Variants in RFC3 observed in about 807,000 individuals in gnomAD.
RFC3 encodes the protein A1 38 kDa subunit.
RFC3 carries 41 observed loss-of-function variants against 45.1 expected under a neutral mutation model. The ratio of observed to expected loss-of-function variants is 0.91; its 90% confidence interval spans 0.71 to 1.18. RFC3 has a LOEUF of 1.18. RFC3 is among the 50% of genes most tolerant of loss of function. The pLI is 0.00. For missense variants in RFC3, 423 were observed against 428.1 expected (o/e 0.99, Z 0.10); for synonymous variants, 149 against 144.0 (o/e 1.03, Z -0.25).
At chr13:33,967,735 C>T (rs780542042), downstream of RFC3, among the ~76,000 whole-genome samples, 1 of 151,972 alleles carries the variant, frequency 6.6e-6, no homozygotes, top group Non-Finnish European at 1.5e-5. Flanking sequence ...ATCTACCCAC[C>T]TCGGCCTCTC....
intron 3 of RFC3, among the ~76,000 whole-genome samples, chr13:33,824,249 T>G (rs988641981): frequency 6.6e-6 from 1 of 152,150 alleles, no homozygotes; most frequent in African/African-American, 2.4e-5. Flanking sequence ...TACATTGTAT[T>G]GTCAGTAAAT....
At chr13:33,975,523 T>G in the RFC3 span, among the ~76,000 whole-genome samples, 3 of 152,212 alleles carry the variant, frequency 2.0e-5, no homozygotes, top group Non-Finnish European at 4.4e-5. Context: ...AAAAAAGTAA[T>G]TTATGCAAAT....
intron 8 of RFC3, among the ~76,000 whole-genome samples, chr13:33,941,945 C>T (rs2082926917): frequency 6.6e-6 from 1 of 151,994 alleles, no homozygotes; most frequent in African/African-American, 2.4e-5. Context: ...ATGTTTTTAT[C>T]CTTTAATTTG....
chr13:33,859,252 G>A (rs867181878), intron 8 of RFC3, among the ~76,000 whole-genome samples: 1 of 152,074 alleles, frequency 6.6e-6, no homozygotes, highest in Non-Finnish European at 1.5e-5. Context: ...TTTCCCCAAG[G>A]CAACATCTAA....
At chr13:33,935,270 C>T (rs570104493) in intron 8 of RFC3, among the ~76,000 whole-genome samples, 8 of 152,236 alleles carry the variant, frequency 5.3e-5, no homozygotes, top group Admixed American at 4.6e-4. Flanking sequence ...CCATCAACTT[C>T]CTAGTTATTC....
intron 8 of RFC3, among the ~76,000 whole-genome samples, chr13:33,862,626 TATA>T (rs1370632667): frequency 6.6e-6 from 1 of 150,638 alleles, no homozygotes; most frequent in Admixed American, 6.6e-5. Flanking sequence ...TACAGGTAAA[TATA>T]ATATGTATGT....
chr13:33,896,944 G>C (rs576581490), intron 8 of RFC3, among the ~76,000 whole-genome samples: 1 of 151,858 alleles, frequency 6.6e-6, no homozygotes, highest in South Asian at 2.1e-4. Context: ...CAAAAGCTGG[G>C]AGAATTCACC....
At chr13:33,820,464 C>G (rs1379382920) in intron 1 of RFC3, among the ~76,000 whole-genome samples, 1 of 152,234 alleles carries the variant, frequency 6.6e-6, no homozygotes, top group Non-Finnish European at 1.5e-5. Context: ...TGGGTTAACA[C>G]TCTGGTGGGT....
chr13:33,919,957 C>T (rs17080182), intron 8 of RFC3, among the ~76,000 whole-genome samples: 3,089 of 152,158 alleles, frequency 0.02, 54 homozygotes, highest in East Asian at 0.047. Flanking sequence ...AAAGATGAAG[C>T]GTAACTATAC....
chr13:33,843,786 A>G (rs2082217349), intron 8 of RFC3, among the ~76,000 whole-genome samples: 1 of 152,182 alleles, frequency 6.6e-6, no homozygotes, highest in African/African-American at 2.4e-5. Flanking sequence ...CAACGGACAT[A>G]TGTTTCTATG....
rs1438426743 is a variant in RFC3 at position 33,818,348 on chromosome 13, TC to T, written c.87+86del. ...GCGCCCCCCTGAGGAGCAGTGCTTC[TC>T]CCGCCCGCATTGGAAGGTGATAAGT... On this transcript the variant is annotated intron_variant, in intron 1 of 8. Coordinates refer to ENST00000380071, the MANE Select transcript of RFC3 (RefSeq NM_002915.4). 3 of 1,103,410 alleles carry T rather than the reference TC, an allele frequency of 2.7e-6. No individual in the cohort carries two copies. In the East Asian group the frequency reaches 7.2e-5, roughly 26 times the overall value. The allele number at this position is 1,103,410 out of a possible 1,614,324, so 68.4% of individuals were successfully genotyped here.
At chr13:33,841,855 G>T (rs1441160320), downstream of RFC3, among the ~76,000 whole-genome samples, 1 of 152,158 alleles carries the variant, frequency 6.6e-6, no homozygotes, top group Non-Finnish European at 1.5e-5. Context: ...ATGTCCTGGA[G>T]ATCATTGGGG....
At chr13:33,959,187 A>G (rs916594952) in intron 8 of RFC3, among the ~76,000 whole-genome samples, 3 of 152,144 alleles carry the variant, frequency 2.0e-5, no homozygotes, top group Non-Finnish European at 4.4e-5. Context: ...TTCCTCCCAC[A>G]TGTAAGCCAC....
In RFC3 at chr13:33,962,765, A is replaced by G. The variant is rs182110072; in HGVS notation, c.880-3322A>G. On this transcript the variant is annotated intron_variant, in intron 8 of 8. Coordinates refer to the RFC3 transcript ENST00000434425. ...GTGTTATGTATGTATGTATGTATAG[A>G]TACATACATAAGACACAATGAAGCA... 1.4e-3 allele frequency among the ~76,000 whole-genome samples: 214 copies of G among 152,306 alleles called. 2 individuals carry two copies. Among genetic ancestry groups the G allele is most frequent in the African/African-American group, 4.8e-3 (199 of 41,578 alleles).
At chr13:33,877,204 G>A (rs75364233) in intron 8 of RFC3, among the ~76,000 whole-genome samples, 2,603 of 152,286 alleles carry the variant, frequency 0.017, 48 homozygotes, top group South Asian at 0.027. Flanking sequence ...CTTAGCCAAA[G>A]TCACACAGCA....
At chr13:33,907,830 G>A (rs942028993) in intron 8 of RFC3, among the ~76,000 whole-genome samples, 1 of 152,062 alleles carries the variant, frequency 6.6e-6, no homozygotes, top group African/African-American at 2.4e-5. Flanking sequence ...AGCAAGGAAA[G>A]CATGTAATCA....
chr13:33,898,457 A>G (rs1023739485), intron 8 of RFC3, among the ~76,000 whole-genome samples: 3 of 151,980 alleles, frequency 2.0e-5, no homozygotes, highest in African/African-American at 4.8e-5. Context: ...TTATTGAAAC[A>G]AATGCAAATG....
chr13:33,901,584 A>G (rs2082642172), intron 8 of RFC3, among the ~76,000 whole-genome samples: 3 of 152,054 alleles, frequency 2.0e-5, no homozygotes, highest in African/African-American at 4.8e-5. Context: ...ATTGGTACAA[A>G]TATATGACCT....
chr13:33,868,215 A>G (rs1053655881), intron 8 of RFC3, among the ~76,000 whole-genome samples: 1 of 152,190 alleles, frequency 6.6e-6, no homozygotes, highest in East Asian at 1.9e-4. Context: ...CGGAAAGTCA[A>G]GCTCCAACAC....
Sources: allele counts gnomAD v4.1 joint callset (sites outside exome capture counted in the v4.1 genomes callset), GRCh38; gene constraint gnomAD v4.1.1; transcripts MANE v1.5; gene names NCBI Gene and HGNC (gene_info 2026-07-23, HGNC 2026-07-21).